Variants in STOX2 observed in about 807,000 individuals in gnomAD.
STOX2 encodes storkhead-box protein 2.
STOX2 carries 28 observed loss-of-function variants against 60.9 expected under a neutral mutation model. That is an observed-to-expected ratio of 0.46 (90% CI 0.34 to 0.63). The LOEUF (loss-of-function observed/expected upper bound fraction) is 0.63. Among genes scored for constraint, STOX2 ranks in the 30% least tolerant of loss-of-function variants. The pLI, the probability that STOX2 is intolerant of heterozygous loss-of-function variation, is 0.01. For missense variants in STOX2, 1,024 were observed against 1,187.7 expected (o/e 0.86, Z 2.03); for synonymous variants, 472 against 463.9 (o/e 1.02, Z -0.22).
At chr4:183,873,200 C>A (rs566728165) in intron 1 of STOX2, among the ~76,000 whole-genome samples, 1 of 152,206 alleles carries the variant, frequency 6.6e-6, no homozygotes, top group South Asian at 2.1e-4. Flanking sequence ...GTAATCCCAG[C>A]ACTTTGGGAG....
In STOX2 at chr4:184,010,417, T is replaced by C. The variant is rs773278456; in HGVS notation, c.1579T>C (p.Tyr527His). ...SQDDQTPSQS[Y>H]IDDSTLRPAQ... ...AGACGACCAGACCCCCAGCCAATCC[T>C]ACATTGACGACAGTACTTTAAGGCC... Residue 527 changes from tyrosine to histidine, a missense_variant, in exon 3 of 4, where the codon TAC (tyrosine) becomes CAC (histidine). Coordinates refer to ENST00000308497, the MANE Select transcript of STOX2 (RefSeq NM_020225.3). The surrounding 1 kb of genome is among the most constrained non-coding windows in gnomAD (Gnocchi z 4.5). The C allele has an allele frequency of 6.2e-7, 1 of 1,613,804 alleles. No homozygotes were observed. The highest frequency in any genetic ancestry group is 8.5e-7 in the Non-Finnish European group (1 of 1,179,832).
At chr4:183,900,513 C>T (rs1741438736), upstream of STOX2, among the ~76,000 whole-genome samples, 1 of 152,150 alleles carries the variant, frequency 6.6e-6, no homozygotes, top group Non-Finnish European at 1.5e-5. Flanking sequence ...TTTATTCCAA[C>T]CCACAGGAAA....
intron 1 of STOX2, among the ~76,000 whole-genome samples, chr4:183,824,762 C>T (rs933551547): frequency 6.6e-6 from 1 of 152,138 alleles, no homozygotes; most frequent in African/African-American, 2.4e-5. Flanking sequence ...ATACTAGGCG[C>T]CATGGGAGAG....
intron 1 of STOX2, among the ~76,000 whole-genome samples, chr4:183,893,555 G>A (rs142830035): frequency 3.3e-5 from 5 of 152,066 alleles, no homozygotes; most frequent in African/African-American, 7.2e-5. Flanking sequence ...CCTTCTAGTC[G>A]GGGTGAGAGA....
intron 1 of STOX2, among the ~76,000 whole-genome samples, chr4:183,845,514 G>A (rs1739965318): frequency 6.6e-6 from 1 of 152,160 alleles, no homozygotes; most frequent in African/African-American, 2.4e-5. Flanking sequence ...GCTGGAAGTG[G>A]AGAGCCATCT....
rs1291775901 is a variant in STOX2 at position 183,966,852 on chromosome 4, C to T, written c.167-34473C>T. 5.3e-5 allele frequency among the ~76,000 whole-genome samples: 8 copies of T among 152,260 alleles called. No individual in the cohort carries two copies. The East Asian group carries it at 1.3e-3, about 26-fold the overall frequency. ...CTTTTTTCTTTTCCTTGATAGAACTCGATCAATGTCTTAGCTATTATATAA... is the reference window on the plus strand; with the variant it reads ...CTTTTTTCTTTTCCTTGATAGAACTTGATCAATGTCTTAGCTATTATATAA... On this transcript the variant is annotated intron_variant, in intron 1 of 3. Transcript: ENST00000308497.
rs567488789 is a variant in STOX2, at chr4:183,945,344, G to C, written c.166+38388G>C. ...AACATGAGGGTACACAGCGGAGAGA[G>C]AGAGGGTCGTGACAGTATACCCATT... On this transcript the variant is annotated intron_variant, in intron 1 of 3. Coordinates refer to ENST00000308497, the MANE Select transcript of STOX2 (RefSeq NM_020225.3). Among the ~76,000 whole-genome samples, 35 of 152,326 alleles carry C rather than the reference G, an allele frequency of 2.3e-4. 1 individual carries two copies. In the South Asian group the frequency reaches 7.3e-3, roughly 32 times the overall value.
intron 1 of STOX2, among the ~76,000 whole-genome samples, chr4:183,977,868 T>C (rs1732502773): frequency 6.6e-6 from 1 of 152,218 alleles, no homozygotes; most frequent in Non-Finnish European, 1.5e-5. Context: ...GTGATGTTTT[T>C]CATATGTCTG....
At chr4:183,890,546 G>GAGGGAGGGAGGGAGGGAAGGAGAC (rs1741185377) in intron 1 of STOX2, among the ~76,000 whole-genome samples, 1 of 149,898 alleles carries the variant, frequency 6.7e-6, no homozygotes, top group African/African-American at 2.5e-5. Flanking sequence ...AGGAAGGAGA[G>GAGGGAGGGAGGGAGGGAAGGAGAC]AGGGAGGAAT....
rs1734040281 is a variant in STOX2, at chr4:184,009,479, T to G, written c.641T>G (p.Leu214Arg). The change falls in exon 3 of 4, where the codon CTG (leucine) becomes CGG (arginine). Residue 214 changes from leucine (L) to arginine (R), a missense_variant. Leu to Arg is a moderately radical substitution (Grantham distance 102, BLOSUM62 -2). Coordinates refer to ENST00000308497, the MANE Select transcript of STOX2 (RefSeq NM_020225.3). This position sits in a 1 kb window ranked among gnomAD's most constrained non-coding sequence, Gnocchi z 4.0. ...EDVHSTHAPT[L>R]QRKSAKDCKD... ...GTGCACAGCACGCATGCACCCACCC[T>G]GCAAAGGAAGTCTGCCAAGGACTGC... 5.0e-6 allele frequency: 8 copies of G among 1,614,032 alleles called. No individual in the cohort carries two copies. The highest frequency in any genetic ancestry group is 6.8e-6 in the Non-Finnish European group (8 of 1,179,890).
intron 1 of STOX2, among the ~76,000 whole-genome samples, chr4:183,914,428 A>G (rs1274669457): frequency 2.6e-5 from 4 of 152,152 alleles, no homozygotes; most frequent in African/African-American, 4.8e-5. Context: ...ACAGAAGGAG[A>G]CCTTGTCTCA....
At chr4:183,798,930 G>C (rs2111088280) in intron 1 of STOX2, 1 of 186,004 alleles carries the variant, frequency 5.4e-6, no homozygotes, top group South Asian at 2.0e-4. Flanking sequence ...ATAGTAAATA[G>C]TAAAGCTTTA....
In STOX2 at chr4:183,909,166, A is replaced by C. The variant is rs544453051; in HGVS notation, c.166+2210A>C. Among the ~76,000 whole-genome samples the C allele has an allele frequency of 4.6e-5, 7 of 152,312 alleles. No individual in the cohort carries two copies. In the South Asian group the frequency reaches 1.4e-3, roughly 32 times the overall value. On this transcript the variant is annotated intron_variant, in intron 1 of 3. Coordinates refer to ENST00000308497, the MANE Select transcript of STOX2 (RefSeq NM_020225.3). ...TCTTTTGGGGGTTGGGTTGGGAAGGATGTGTATCTTCATCTATTTCCTTTA... is the reference window on the plus strand; with the variant it reads ...TCTTTTGGGGGTTGGGTTGGGAAGGCTGTGTATCTTCATCTATTTCCTTTA...
Position 183,814,780 on chromosome 4 carries a change from T to C in STOX2, c.364+16725T>C, listed in dbSNP as rs187168328. On this transcript the variant is annotated intron_variant, in intron 1 of 2. Coordinates refer to the STOX2 transcript ENST00000513034. The stretch of plus-strand genomic sequence containing the variant: ...TTCCGTTTGTTGGGTACAACACAAA[T>C]ATTAAAATACATACAAAAATACACA... Among the ~76,000 whole-genome samples the C allele has an allele frequency of 2.0e-5, 3 of 152,340 alleles. No individual in the cohort carries two copies. The East Asian group carries it at 5.8e-4, about 29-fold the overall frequency.
intron 1 of STOX2, among the ~76,000 whole-genome samples, chr4:183,851,864 A>AGAAAGGATGAGGGAAAGGATGAGG (rs1740150009): frequency 5.1e-5 from 1 of 19,446 alleles, no homozygotes; most frequent in African/African-American, 2.4e-4. Flanking sequence ...AAAGGATGAG[A>AGAAAGGATGAGGGAAAGGATGAGG]GAAAGGATGA....
intron 1 of STOX2, among the ~76,000 whole-genome samples, chr4:183,818,388 T>A (rs994841208): frequency 6.6e-6 from 1 of 152,194 alleles, no homozygotes; most frequent in Non-Finnish European, 1.5e-5. Context: ...ACACAGCACA[T>A]GTTTCAGAGA....
At chr4:183,996,717 AATT>A (rs1733362060) in intron 1 of STOX2, among the ~76,000 whole-genome samples, 1 of 152,060 alleles carries the variant, frequency 6.6e-6, no homozygotes, top group Non-Finnish European at 1.5e-5. Flanking sequence ...CTTAATATAT[AATT>A]ATTCTTTTAA....
At chr4:183,970,484 G>C (rs957465926) in intron 1 of STOX2, among the ~76,000 whole-genome samples, 1 of 152,096 alleles carries the variant, frequency 6.6e-6, no homozygotes, top group Non-Finnish European at 1.5e-5. Context: ...GGAGCCCCTG[G>C]GACCCCATTC....
chr4:184,009,513 T>A lies in STOX2; in HGVS notation c.675T>A (p.Pro225=). ...QRKSAKDCKD[P]YCPPSLCQVP... is the part of the protein sequence containing the mutation. ...AGTCTGCCAAGGACTGCAAAGACCC[T>A]TACTGTCCCCCTTCTCTGTGCCAGG... is the stretch of plus-strand genomic sequence containing the variant. The change falls in exon 3 of 4, where the codon CCT becomes CCA. Residue 225 remains proline, a synonymous_variant. Coordinates refer to ENST00000308497, the MANE Select transcript of STOX2 (RefSeq NM_020225.3). This position sits in a 1 kb window ranked among gnomAD's most constrained non-coding sequence, Gnocchi z 4.0. 2.5e-6 allele frequency: 4 copies of A among 1,614,020 alleles called. No individual in the cohort carries two copies. Among genetic ancestry groups the A allele is most frequent in the Non-Finnish European group, 3.4e-6 (4 of 1,179,886 alleles).
Sources: allele counts gnomAD v4.1 joint callset (sites outside exome capture counted in the v4.1 genomes callset), GRCh38; gene constraint gnomAD v4.1.1; non-coding constraint Gnocchi (gnomAD v3.1); transcripts MANE v1.5; gene names NCBI Gene and HGNC (gene_info 2026-07-23, HGNC 2026-07-21).